MACROD2: variants seen among roughly 807,000 people sequenced by gnomAD.
MACROD2 encodes mono-ADP ribosylhydrolase 2.
In MACROD2, 36 loss-of-function variants were observed where a neutral mutation model predicts 70.4. The ratio of observed to expected loss-of-function variants is 0.51; its 90% confidence interval spans 0.39 to 0.68. MACROD2 has a LOEUF of 0.68. MACROD2 is among the 30% of genes least tolerant of loss of function. The pLI is 0.00. For missense variants in MACROD2, 496 were observed against 538.4 expected (o/e 0.92, Z 0.78); for synonymous variants, 172 against 178.8 (o/e 0.96, Z 0.30).
At chr20:15,737,582 A>G (rs1246426992) in intron 8 of MACROD2, among the ~76,000 whole-genome samples, 1 of 152,176 alleles carries the variant, frequency 6.6e-6, no homozygotes, top group Non-Finnish European at 1.5e-5. Flanking sequence ...TAGCTCTTAC[A>G]CCGTGTCTCT....
At chr20:14,917,240 T>C (rs141566257) in intron 5 of MACROD2, among the ~76,000 whole-genome samples, 11 of 150,802 alleles carry the variant, frequency 7.3e-5, no homozygotes, top group African/African-American at 2.4e-4. Flanking sequence ...AGGCCTGAGG[T>C]TAGCTTTTGT....
At chr20:15,485,649 C>T (rs1235474097) in intron 7 of MACROD2, among the ~76,000 whole-genome samples, 1 of 152,130 alleles carries the variant, frequency 6.6e-6, no homozygotes, top group Non-Finnish European at 1.5e-5. Flanking sequence ...CAGTTTTCCT[C>T]CTTTAAAATT....
Position 14,137,178 on chromosome 20 carries a change from C to T in MACROD2, c.271+51450C>T, listed in dbSNP as rs552284553. Among the ~76,000 whole-genome samples the T allele has an allele frequency of 1.5e-4, 23 of 152,326 alleles. No individual in the cohort carries two copies. In the South Asian group the frequency reaches 4.6e-3, roughly 30 times the overall value. ...TGGCTCTTTGAAAATTTAACTACTA[C>T]TAGCTTACTGTTGACCTCCAGCCAT... is the stretch of plus-strand genomic sequence containing the variant. On this transcript the variant is annotated intron_variant, in intron 3 of 17. Coordinates refer to ENST00000684519, the MANE Select transcript of MACROD2 (RefSeq NM_001351661.2).
chr20:14,708,933 G>T (rs1164657714), intron 5 of MACROD2, among the ~76,000 whole-genome samples: 1 of 152,038 alleles, frequency 6.6e-6, no homozygotes, highest in Non-Finnish European at 1.5e-5. Flanking sequence ...ACCTGTTTTT[G>T]ATGGCAATTT....
chr20:14,679,446 G>A (rs2070903187), intron 4 of MACROD2, among the ~76,000 whole-genome samples: 1 of 152,110 alleles, frequency 6.6e-6, no homozygotes, highest in South Asian at 2.1e-4. Flanking sequence ...TGAGAGTTGG[G>A]AGGATAAGTT....
intron 5 of MACROD2, among the ~76,000 whole-genome samples, chr20:14,903,043 T>G (rs1401643566): frequency 6.8e-6 from 1 of 147,354 alleles, no homozygotes; most frequent in Non-Finnish European, 1.5e-5. Context: ...CTTTCCCTTT[T>G]TTTTTTTTTT....
intron 4 of MACROD2, among the ~76,000 whole-genome samples, chr20:14,631,646 G>T (rs574685055): frequency 6.6e-6 from 1 of 152,246 alleles, no homozygotes; most frequent in South Asian, 2.1e-4. Context: ...ATGGTGGCGG[G>T]CGCCTGTAGT....
At chr20:14,134,477 G>C (rs1448213222) in intron 3 of MACROD2, among the ~76,000 whole-genome samples, 2 of 152,090 alleles carry the variant, frequency 1.3e-5, no homozygotes, top group African/African-American at 4.8e-5. Flanking sequence ...TATTTAACTA[G>C]AGTCTGGTCA....
intron 8 of MACROD2, among the ~76,000 whole-genome samples, chr20:15,570,720 T>C (rs375906183): frequency 6.6e-6 from 1 of 152,142 alleles, no homozygotes; most frequent in East Asian, 1.9e-4. Flanking sequence ...GCAAAAGAAG[T>C]ATTAGAATCC....
intron 2 of MACROD2, among the ~76,000 whole-genome samples, chr20:14,019,379 C>T (rs1465672691): frequency 2.0e-5 from 3 of 152,188 alleles, no homozygotes; most frequent in African/African-American, 7.2e-5. Context: ...TCAAGCGTTT[C>T]TCCTGTCTCA....
chr20:14,532,098 C>T (rs1236785554), intron 4 of MACROD2, among the ~76,000 whole-genome samples: 1 of 152,128 alleles, frequency 6.6e-6, no homozygotes, highest in African/African-American at 2.4e-5. Context: ...CTTCATACTT[C>T]CCAAAGGCCT....
At position 15,096,014 on chromosome 20, in the gene MACROD2, A is replaced by G. The variant is rs946297355; in HGVS notation, c.419-133926A>G. 1.7e-3 allele frequency among the ~76,000 whole-genome samples: 261 copies of G among 152,166 alleles called. 5 individuals carry two copies. The highest frequency in any genetic ancestry group is 2.6e-4 in the Non-Finnish European group (18 of 68,024). ...ACTAAAATCCTCAGCTGATGTATCA[A>G]TGAGTCTGTGATTAGCTAACAAAAG... On this transcript the variant is annotated intron_variant, in intron 5 of 17. Coordinates refer to ENST00000684519, the MANE Select transcript of MACROD2 (RefSeq NM_001351661.2).
intron 5 of MACROD2, among the ~76,000 whole-genome samples, chr20:15,186,130 G>T (rs764533279): frequency 2.6e-5 from 4 of 151,924 alleles, no homozygotes; most frequent in African/African-American, 7.3e-5. Flanking sequence ...TTTCTGGAGC[G>T]CCCTGAACTT....
chr20:14,349,191 CT>C (rs5840611), intron 3 of MACROD2, among the ~76,000 whole-genome samples: 109,583 of 136,746 alleles, frequency 0.8, 44,155 homozygotes, highest in Non-Finnish European at 0.87. Flanking sequence ...TATATACAAA[CT>C]TTTTTTTTTT....
intron 4 of MACROD2, among the ~76,000 whole-genome samples, chr20:14,630,455 A>T (rs1469529036): frequency 6.6e-6 from 1 of 152,264 alleles, no homozygotes; most frequent in African/African-American, 2.4e-5. Context: ...TCAGAGACTC[A>T]AAAATCAAAG....
At chr20:15,371,120 T>C (rs182863029) in intron 6 of MACROD2, among the ~76,000 whole-genome samples, 3 of 152,226 alleles carry the variant, frequency 2.0e-5, no homozygotes. Flanking sequence ...TATTCATAAG[T>C]CACTGAAAAT....
chr20:15,604,044 T>C (rs914672999), intron 8 of MACROD2, among the ~76,000 whole-genome samples: 4 of 152,220 alleles, frequency 2.6e-5, no homozygotes, highest in African/African-American at 9.6e-5. Context: ...CTTTTTATGA[T>C]GTCCTGTTTG....
intron 6 of MACROD2, among the ~76,000 whole-genome samples, chr20:15,350,111 G>A (rs2078211466): frequency 6.6e-6 from 1 of 152,206 alleles, no homozygotes. Flanking sequence ...TGGTTAACTT[G>A]GAGATTTAAT....
At chr20:14,174,639 A>G (rs1300204678) in intron 3 of MACROD2, among the ~76,000 whole-genome samples, 1 of 152,148 alleles carries the variant, frequency 6.6e-6, no homozygotes, top group African/African-American at 2.4e-5. Flanking sequence ...CCCACCTGCC[A>G]TGGCTTCTGT....
Sources: gnomAD v4.1 joint callset for allele counts (sites outside exome capture counted in the v4.1 genomes callset) on GRCh38, gnomAD v4.1.1 for gene constraint, MANE v1.5 for transcripts, NCBI Gene and HGNC (gene_info 2026-07-23, HGNC 2026-07-21) for gene names.